Variants in XKR4 observed in about 807,000 individuals in gnomAD.
XKR4 encodes the protein XK-related protein 4.
A neutral mutation model predicts 53.9 loss-of-function variants in XKR4; 12 were observed. The observed-to-expected ratio is 0.22, with a 90% CI of 0.14 to 0.36. XKR4 has a LOEUF of 0.36. Among genes scored for constraint, XKR4 ranks in the 10% least tolerant of loss-of-function variants. The pLI is 1.00. For synonymous variants in XKR4, 354 were observed against 362.4 expected (o/e 0.98, Z 0.26); for missense variants, 799 against 859.5 (o/e 0.93, Z 0.88).
chr8:55,153,312 C>T lies in XKR4; in HGVS notation c.806+50018C>T, dbSNP rs1036042737. On this transcript the variant is annotated intron_variant, in intron 1 of 2. Transcript: ENST00000327381. ...AAAATAGACATTTTTGGTGTTTTTACCTTCTAGTTTTTCTCCCGAGGGAAG... is the reference window on the plus strand; with the variant it reads ...AAAATAGACATTTTTGGTGTTTTTATCTTCTAGTTTTTCTCCCGAGGGAAG... Among the ~76,000 whole-genome samples the T allele has an allele frequency of 5.3e-5, 8 of 152,132 alleles. 1 individual carries two copies. The highest frequency in any genetic ancestry group is 2.6e-4 in the Admixed American group (4 of 15,274).
chr8:55,407,367 A>G (rs1804699927), intron 2 of XKR4, among the ~76,000 whole-genome samples: 1 of 152,230 alleles, frequency 6.6e-6, no homozygotes, highest in Non-Finnish European at 1.5e-5. Context: ...CAGGCATTTG[A>G]TTATGGAGTT....
intron 2 of XKR4, among the ~76,000 whole-genome samples, chr8:55,382,288 C>T (rs1197332300): frequency 1.3e-5 from 2 of 152,198 alleles, no homozygotes; most frequent in Non-Finnish European, 2.9e-5. Context: ...TCACTTTGAA[C>T]ATGACACTAT....
chr8:55,368,209 C>T (rs962054500), intron 2 of XKR4, among the ~76,000 whole-genome samples: 1 of 152,172 alleles, frequency 6.6e-6, no homozygotes. Context: ...GATCCACCCG[C>T]CTCCCAAAGT....
intron 2 of XKR4, among the ~76,000 whole-genome samples, chr8:55,381,116 A>T (rs1401984712): frequency 6.6e-6 from 1 of 152,236 alleles, no homozygotes; most frequent in Non-Finnish European, 1.5e-5. Flanking sequence ...TAAAGTCAGG[A>T]ATAAAAAATC....
intron 1 of XKR4, among the ~76,000 whole-genome samples, chr8:55,242,460 G>A (rs1217575868): frequency 6.6e-6 from 1 of 152,156 alleles, no homozygotes; most frequent in African/African-American, 2.4e-5. Flanking sequence ...AAGGAAATGC[G>A]AGGAGGTAAC....
intron 2 of XKR4, among the ~76,000 whole-genome samples, chr8:55,432,221 C>A (rs1017947799): frequency 6.6e-6 from 1 of 152,122 alleles, no homozygotes; most frequent in African/African-American, 2.4e-5. Flanking sequence ...AGAAGCCAGG[C>A]CACCTGGGTT....
At chr8:55,167,051 C>G (rs185608635) in intron 1 of XKR4, among the ~76,000 whole-genome samples, 36 of 152,252 alleles carry the variant, frequency 2.4e-4, no homozygotes, top group Non-Finnish European at 4.3e-4. Flanking sequence ...TGGAAGGTGA[C>G]CTAATTCTGG....
intron 2 of XKR4, among the ~76,000 whole-genome samples, chr8:55,472,112 A>G (rs1231905710): frequency 6.6e-6 from 1 of 152,142 alleles, no homozygotes; most frequent in African/African-American, 2.4e-5. Flanking sequence ...CCTAAGGGAC[A>G]TTCGAGTATC....
At chr8:55,464,428 G>A (rs958527975) in intron 2 of XKR4, among the ~76,000 whole-genome samples, 7 of 151,992 alleles carry the variant, frequency 4.6e-5, no homozygotes, top group Admixed American at 1.3e-4. Flanking sequence ...ATTCAATAAC[G>A]CTTCATGCTA....
chr8:55,104,808 A>G (rs1436697696), intron 1 of XKR4, among the ~76,000 whole-genome samples: 1 of 152,188 alleles, frequency 6.6e-6, no homozygotes, highest in Non-Finnish European at 1.5e-5. Flanking sequence ...TATGATAGCT[A>G]TATTTCCCAT....
intron 1 of XKR4, among the ~76,000 whole-genome samples, chr8:55,259,578 C>T (rs1818487976): frequency 6.6e-6 from 1 of 152,026 alleles, no homozygotes; most frequent in Non-Finnish European, 1.5e-5. Context: ...GGGACCCTCG[C>T]TTGATGTGGG....
intron 1 of XKR4, among the ~76,000 whole-genome samples, chr8:55,198,715 A>C (rs1223859846): frequency 1.3e-5 from 2 of 152,158 alleles, no homozygotes; most frequent in Non-Finnish European, 2.9e-5. Flanking sequence ...AATTTGTTAT[A>C]ATAAATAACA....
At chr8:55,130,977 T>G (rs1012812021) in intron 1 of XKR4, among the ~76,000 whole-genome samples, 5 of 152,070 alleles carry the variant, frequency 3.3e-5, no homozygotes, top group Admixed American at 3.3e-4. Flanking sequence ...TTGACCGACG[T>G]GGAGAAACCC....
chr8:55,212,940 T>G (rs1288497532), intron 1 of XKR4, among the ~76,000 whole-genome samples: 1 of 152,208 alleles, frequency 6.6e-6, no homozygotes, highest in African/African-American at 2.4e-5. Context: ...AACATAAAAT[T>G]TATTGAAAAG....
chr8:55,241,247 C>T (rs1818206494), intron 1 of XKR4, among the ~76,000 whole-genome samples: 1 of 152,170 alleles, frequency 6.6e-6, no homozygotes, highest in Non-Finnish European at 1.5e-5. Context: ...TATTGAGCAA[C>T]TTGTATATTC....
chr8:55,529,365 AG>A lies in XKR4; in HGVS notation c.*5139del, dbSNP rs1311700794. On this transcript the variant is annotated 3_prime_UTR_variant, in exon 3 of 3. Coordinates refer to ENST00000327381, the MANE Select transcript of XKR4 (RefSeq NM_052898.2). ...TGAAATATTTTCGTAATATACTGACAGCCTAATGTCAGAAACGAGCTGCCTA... is the reference window on the plus strand; with the variant it reads ...TGAAATATTTTCGTAATATACTGACACCTAATGTCAGAAACGAGCTGCCTA... 1 of 152,192 alleles carries A rather than the reference AG, an allele frequency of 6.6e-6. No homozygotes were observed. Among genetic ancestry groups the A allele is most frequent in the Non-Finnish European group, 1.5e-5 (1 of 68,044 alleles). 9.4% of individuals were successfully genotyped at this position (152,192 alleles called of 1,614,324 possible).
intron 1 of XKR4, among the ~76,000 whole-genome samples, chr8:55,168,314 T>C (rs1018734955): frequency 9.2e-5 from 14 of 152,290 alleles, no homozygotes; most frequent in African/African-American, 2.6e-4. Context: ...ATCAAAAACG[T>C]AGAGGACAGA....
At chr8:55,279,728 G>A (rs1454973048) in intron 1 of XKR4, among the ~76,000 whole-genome samples, 2 of 152,186 alleles carry the variant, frequency 1.3e-5, no homozygotes, top group South Asian at 4.2e-4. Flanking sequence ...CGTCAGCCAG[G>A]GCACACAGTC....
intron 2 of XKR4, among the ~76,000 whole-genome samples, chr8:55,455,829 C>A (rs771890094): frequency 1.3e-5 from 2 of 152,168 alleles, no homozygotes; most frequent in African/African-American, 4.8e-5. Flanking sequence ...GATCAGTCAT[C>A]AGGAGGTAGG....
Sources: gnomAD v4.1 joint callset for allele counts (sites outside exome capture counted in the v4.1 genomes callset) on GRCh38, gnomAD v4.1.1 for gene constraint, MANE v1.5 for transcripts, NCBI Gene and HGNC (gene_info 2026-07-23, HGNC 2026-07-21) for gene names.